The following RPTOR variants were observed in gnomAD, a reference collection of about 807,000 sequenced individuals.
The protein encoded by RPTOR is regulatory associated protein of MTOR complex 1.
Under a neutral mutation model 169.9 loss-of-function variants are expected in RPTOR, and 21 were observed. The observed-to-expected ratio is 0.12, with a 90% CI of 0.09 to 0.18. The LOEUF is 0.18. Among genes scored for constraint, RPTOR ranks in the 10% least tolerant of loss-of-function variants. The probability of loss-of-function intolerance (pLI) is 1.00; values close to 1 mark genes in which losing one functional copy is unlikely to be tolerated. For missense variants in RPTOR, 1,133 were observed against 1,855.9 expected, an observed-to-expected ratio of 0.61 and a Z score of 7.16; for synonymous variants, 732 against 753.2, an observed-to-expected ratio of 0.97 and a Z score of 0.46.
intron 6 of RPTOR, among the ~76,000 whole-genome samples, chr17:80,779,164 G>A (rs942345855): frequency 1.1e-4 from 17 of 152,162 alleles, no homozygotes; most frequent in Admixed American, 3.3e-4. Flanking sequence ...TGGTCCTGCC[G>A]GACTAGGCAT....
chr17:80,888,959 G>A (rs770232207), intron 17 of RPTOR, among the ~76,000 whole-genome samples: 7 of 152,230 alleles, frequency 4.6e-5, no homozygotes, highest in African/African-American at 1.2e-4. Context: ...ATCAGAGGGC[G>A]TGGGCACAAG....
At chr17:80,742,169 G>C (rs556766548) in intron 5 of RPTOR, among the ~76,000 whole-genome samples, 3 of 152,292 alleles carry the variant, frequency 2.0e-5, no homozygotes, top group Admixed American at 6.5e-5. Context: ...AGGGAGGTTT[G>C]TTTTCGTCAC....
chr17:80,564,755 A>C (rs552603604), intron 1 of RPTOR, among the ~76,000 whole-genome samples: 1 of 151,786 alleles, frequency 6.6e-6, no homozygotes, highest in South Asian at 2.1e-4. Context: ...CCCACCGTCT[A>C]CCCTCAAGTA....
chr17:80,963,100 GTA>G (rs1176099964), intron 33 of RPTOR, 43 bp downstream of exon 33: 4 of 397,094 alleles, frequency 1.0e-5, no homozygotes, highest in Non-Finnish European at 2.1e-5. Flanking sequence ...GGGGGCTGGG[GTA>G]GAGGGATGGG....
chr17:80,737,060 T>A (rs1203155096), intron 5 of RPTOR, among the ~76,000 whole-genome samples: 3 of 152,198 alleles, frequency 2.0e-5, no homozygotes, highest in African/African-American at 7.2e-5. Flanking sequence ...TGATATTAAT[T>A]TTTAGGTTTG....
intron 7 of RPTOR, among the ~76,000 whole-genome samples, chr17:80,810,564 TTTTTGTTTTG>T (rs56792591): frequency 1.6e-4 from 25 of 151,816 alleles, no homozygotes; most frequent in African/African-American, 2.9e-4. Context: ...TAAGTCTCTG[TTTTTGTTTTG>T]TTTTGTTTTG....
At position 80,737,809 on chromosome 17, in the gene RPTOR, G is replaced by GCCCCCC. The variant is rs71163994; in HGVS notation, c.654+7105_654+7110dup. 1.5e-3 allele frequency among the ~76,000 whole-genome samples: 202 copies of GCCCCCC among 133,004 alleles called. 3 individuals carry two copies. Among genetic ancestry groups the GCCCCCC allele is most frequent in the African/African-American group, 5.9e-3 (182 of 31,068 alleles). The allele number at this position is 133,004 out of a possible 152,430, so 87.3% of individuals were successfully genotyped here. On this transcript the variant is annotated intron_variant, in intron 5 of 33. Coordinates refer to ENST00000306801, the MANE Select transcript of RPTOR (RefSeq NM_020761.3). ...TTCTTTCTCTCTCTTTTTCTCCCCC[G>GCCCCCC]CCCCCCCGCCACACTCACTCCACCA...
At chr17:80,583,196 T>TTGTTTTGTTTTG (rs71163972) in intron 1 of RPTOR, among the ~76,000 whole-genome samples, 26 of 137,374 alleles carry the variant, frequency 1.9e-4, no homozygotes, top group Non-Finnish European at 3.8e-4. Flanking sequence ...TTTTTTTTTT[T>TTGTTTTGTTTTG]TTTTTTTTTT....
chr17:80,647,850 G>C (rs934067665), intron 3 of RPTOR, among the ~76,000 whole-genome samples: 1 of 152,128 alleles, frequency 6.6e-6, no homozygotes, highest in African/African-American at 2.4e-5. Context: ...GAGCTGAGCG[G>C]TCAGGTTGAG....
At chr17:80,599,973 C>T (rs2065173434) in intron 1 of RPTOR, among the ~76,000 whole-genome samples, 2 of 152,198 alleles carry the variant, frequency 1.3e-5, no homozygotes, top group South Asian at 4.1e-4. Flanking sequence ...AAAAATAAGA[C>T]TGTTTCTCAT....
intron 6 of RPTOR, among the ~76,000 whole-genome samples, chr17:80,769,916 G>C (rs2066825196): frequency 7.0e-6 from 1 of 143,124 alleles, no homozygotes; most frequent in Non-Finnish European, 1.5e-5. Context: ...TAGGTGCTGT[G>C]CAGCTGCAGG....
rs1368883477 is a variant in RPTOR at position 80,746,275 on chromosome 17, C to T, written c.655-7735C>T. Among the ~76,000 whole-genome samples the T allele has an allele frequency of 7.4e-6, 1 of 135,976 alleles. No homozygotes were observed. Among genetic ancestry groups the T allele is most frequent in the African/African-American group, 2.6e-5 (1 of 39,202 alleles). The allele number at this position is 135,976 out of a possible 152,430, so 89.2% of individuals were successfully genotyped here. ...GGTGCTTTCTGCGGGTGATCCCCAC[C>T]GCCCCCACAGCGGTGCTTTCTGCGG... On this transcript the variant is annotated intron_variant, in intron 5 of 33. Transcript: ENST00000306801. This position sits in a 1 kb window ranked among gnomAD's most constrained non-coding sequence, Gnocchi z 4.5.
chr17:80,743,275 A>T, intron 5 of RPTOR: 1 of 985,476 alleles, frequency 1.0e-6, no homozygotes, highest in Non-Finnish European at 1.2e-6. Context: ...GATGAACAAA[A>T]TGTTTCCGGG....
chr17:80,613,125 A>C (rs1443499469), intron 1 of RPTOR, among the ~76,000 whole-genome samples: 7 of 152,038 alleles, frequency 4.6e-5, no homozygotes, highest in African/African-American at 1.7e-4. Context: ...CCTGTCCGAG[A>C]GTCCTGCTGG....
At chr17:80,832,799 T>G (rs1022934115) in intron 9 of RPTOR, among the ~76,000 whole-genome samples, 5 of 152,152 alleles carry the variant, frequency 3.3e-5, no homozygotes, top group Admixed American at 1.3e-4. Flanking sequence ...ACAGGAAAGA[T>G]AGCAGAAAAG....
At chr17:80,812,881 G>A (rs1317882810) in intron 7 of RPTOR, among the ~76,000 whole-genome samples, 1 of 152,216 alleles carries the variant, frequency 6.6e-6, no homozygotes, top group Admixed American at 6.5e-5. Flanking sequence ...AATCTGGTGG[G>A]CTCAGCTTTT....
chr17:80,684,634 A>G (rs1177976065), intron 3 of RPTOR, among the ~76,000 whole-genome samples: 31 of 151,860 alleles, frequency 2.0e-4, no homozygotes, highest in Non-Finnish European at 4.1e-4. Flanking sequence ...TTTAGTAGAG[A>G]TGGGGTTTCA....
At chr17:80,904,539 A>G (rs1158683729) in intron 20 of RPTOR, among the ~76,000 whole-genome samples, 1 of 152,128 alleles carries the variant, frequency 6.6e-6, no homozygotes, top group African/African-American at 2.4e-5. Context: ...TTCTAAAACC[A>G]TTCATTATGA....
chr17:80,770,055 G>T (rs1220499499), intron 6 of RPTOR, among the ~76,000 whole-genome samples: 1 of 152,204 alleles, frequency 6.6e-6, no homozygotes, highest in Admixed American at 6.5e-5. Flanking sequence ...GGTTCTGGAG[G>T]CTGGAAGTCC....
Sources: allele counts gnomAD v4.1 joint callset (sites outside exome capture counted in the v4.1 genomes callset), GRCh38; gene constraint gnomAD v4.1.1; non-coding constraint Gnocchi (gnomAD v3.1); transcripts MANE v1.5; gene names NCBI Gene and HGNC (gene_info 2026-07-23, HGNC 2026-07-21).